The following GRID2 variants were observed in gnomAD, a reference collection of about 807,000 sequenced individuals.
The protein encoded by GRID2 is glutamate receptor ionotropic, delta-2.
A neutral mutation model predicts 114.8 loss-of-function variants in GRID2; 33 were observed. The ratio of observed to expected loss-of-function variants is 0.29; its 90% CI spans 0.22 to 0.38. The LOEUF is 0.38. GRID2 is among the 10% of genes least tolerant of loss of function. The probability of loss-of-function intolerance (pLI) is 1.00; values close to 1 mark genes in which losing one functional copy is unlikely to be tolerated. For missense variants in GRID2, 1,184 were observed against 1,257.7 expected (o/e 0.94, Z 0.89); for synonymous variants, 505 against 449.9 (o/e 1.12, Z -1.55).
At chr4:93,082,046 C>T (rs1381731807) in intron 2 of GRID2, among the ~76,000 whole-genome samples, 2 of 152,160 alleles carry the variant, frequency 1.3e-5, no homozygotes, top group Non-Finnish European at 2.9e-5. Flanking sequence ...CTTCAACCGA[C>T]ATTTTGTTTT....
intron 1 of GRID2, among the ~76,000 whole-genome samples, chr4:92,543,618 A>G (rs1426773939): frequency 2.6e-5 from 4 of 152,188 alleles, no homozygotes; most frequent in African/African-American, 7.2e-5. Flanking sequence ...AGTTTTTTCT[A>G]AAACCAACAC....
intron 1 of GRID2, among the ~76,000 whole-genome samples, chr4:92,525,674 T>G (rs1458609100): frequency 6.6e-6 from 1 of 152,074 alleles, no homozygotes; most frequent in African/African-American, 2.4e-5. Context: ...AAGAACCATT[T>G]CCTAGAGATG....
At chr4:92,579,132 G>A (rs1352103646) in intron 1 of GRID2, among the ~76,000 whole-genome samples, 5 of 152,018 alleles carry the variant, frequency 3.3e-5, no homozygotes, top group East Asian at 1.9e-4. Flanking sequence ...CACCAGGAGG[G>A]CATAAGAATT....
intron 1 of GRID2, among the ~76,000 whole-genome samples, chr4:92,461,765 T>A (rs1158470510): frequency 1.3e-5 from 2 of 152,036 alleles, no homozygotes; most frequent in Non-Finnish European, 2.9e-5. Context: ...AATCATTTCA[T>A]CTTTTTTAAT....
intron 10 of GRID2, among the ~76,000 whole-genome samples, chr4:93,428,455 A>G (rs768150982): frequency 1.3e-5 from 2 of 152,146 alleles, no homozygotes; most frequent in Non-Finnish European, 2.9e-5. Flanking sequence ...CATAGATCGT[A>G]TACTAATTGA....
chr4:92,378,244 A>G (rs906156991), intron 1 of GRID2, among the ~76,000 whole-genome samples: 4 of 152,122 alleles, frequency 2.6e-5, no homozygotes, highest in African/African-American at 9.7e-5. Flanking sequence ...AATTTTATCA[A>G]AAGATTAGAC....
chr4:92,852,117 C>T (rs1382366213), intron 2 of GRID2, among the ~76,000 whole-genome samples: 2 of 151,802 alleles, frequency 1.3e-5, no homozygotes, highest in African/African-American at 4.8e-5. Flanking sequence ...AAATTAAAGA[C>T]AATCTCGGGT....
At position 93,423,336 on chromosome 4, in the gene GRID2, C is replaced by CTTTTT. The variant is rs554663844; in HGVS notation, c.1545+393_1545+397dup. On this transcript the variant is annotated intron_variant, in intron 10 of 15. Transcript: ENST00000282020. ...GCAATTTGTACTATTTTTTTTCTTT[C>CTTTTT]TTTTTTTTTTTTTTTTTTTTTTTTT... Among the ~76,000 whole-genome samples the CTTTTT allele has an allele frequency of 5.4e-3, 398 of 73,604 alleles. 7 individuals are homozygous for CTTTTT. Among genetic ancestry groups the CTTTTT allele is most frequent in the East Asian group, 0.02 (44 of 2,182 alleles). The allele number at this position is 73,604 out of a possible 152,430, so 48.3% of individuals were successfully genotyped here. A position where few individuals can be genotyped will look rare whatever the true frequency, so the allele number is the denominator to read the frequency against.
chr4:93,244,552 T>G (rs1479003430), intron 8 of GRID2, among the ~76,000 whole-genome samples: 1 of 31,392 alleles, frequency 3.2e-5, no homozygotes, highest in Non-Finnish European at 6.7e-5. Context: ...AATTAATAGA[T>G]TATATAATCT....
intron 2 of GRID2, among the ~76,000 whole-genome samples, chr4:93,004,969 TC>T (rs1476134428): frequency 6.6e-6 from 1 of 152,066 alleles, no homozygotes; most frequent in Non-Finnish European, 1.5e-5. Context: ...AAGGCCTATC[TC>T]TTGCATCTCT....
chr4:92,438,119 T>C (rs1732827364), intron 1 of GRID2, among the ~76,000 whole-genome samples: 1 of 152,202 alleles, frequency 6.6e-6, no homozygotes, highest in African/African-American at 2.4e-5. Flanking sequence ...GTATTGTAGT[T>C]ATTTTATACG....
At chr4:92,566,366 T>C (rs1161329020) in intron 1 of GRID2, among the ~76,000 whole-genome samples, 5 of 151,748 alleles carry the variant, frequency 3.3e-5, no homozygotes, top group Non-Finnish European at 1.5e-5. Context: ...TTTAGAGAAA[T>C]AAAATAAAGT....
intron 1 of GRID2, among the ~76,000 whole-genome samples, chr4:92,580,613 AC>A (rs5860280): frequency 0.27 from 40,491 of 151,718 alleles, 5,553 homozygotes; most frequent in Middle Eastern, 0.37. Flanking sequence ...GACAGCCTAC[AC>A]TATATTATTT....
At chr4:93,066,376 G>A (rs1313237852) in intron 2 of GRID2, among the ~76,000 whole-genome samples, 1 of 151,782 alleles carries the variant, frequency 6.6e-6, no homozygotes, top group East Asian at 1.9e-4. Context: ...ACTATTCCTG[G>A]ATAAAGATTT....
intron 1 of GRID2, among the ~76,000 whole-genome samples, chr4:92,314,746 C>A (rs1725880390): frequency 6.6e-6 from 1 of 152,032 alleles, no homozygotes; most frequent in Admixed American, 6.6e-5. Context: ...GTACTATCCC[C>A]AAGATATCTC....
At chr4:92,940,679 A>T (rs1461542287) in intron 2 of GRID2, among the ~76,000 whole-genome samples, 1 of 152,110 alleles carries the variant, frequency 6.6e-6, no homozygotes, top group Admixed American at 6.6e-5. Flanking sequence ...GGTTTTGCCC[A>T]TTCAGTATGA....
intron 2 of GRID2, among the ~76,000 whole-genome samples, chr4:92,780,775 A>G (rs562775452): frequency 7.0e-4 from 107 of 151,832 alleles, no homozygotes; most frequent in Non-Finnish European, 1.3e-3. Flanking sequence ...TAGACTGTTC[A>G]TGCATGATAA....
intron 2 of GRID2, among the ~76,000 whole-genome samples, chr4:93,027,089 G>C (rs1250207270): frequency 1.3e-5 from 2 of 151,862 alleles, no homozygotes; most frequent in Admixed American, 1.3e-4. Flanking sequence ...TTTTTTGTTT[G>C]TTTTACATAT....
At chr4:93,291,063 G>C (rs571381401) in intron 8 of GRID2, among the ~76,000 whole-genome samples, 63 of 151,980 alleles carry the variant, frequency 4.1e-4, no homozygotes, top group African/African-American at 1.5e-3. Context: ...ATTTTTAGTA[G>C]ATACGGGGTT....
Sources: gnomAD v4.1 joint callset for allele counts (sites outside exome capture counted in the v4.1 genomes callset) on GRCh38, gnomAD v4.1.1 for gene constraint, MANE v1.5 for transcripts, NCBI Gene and HGNC (gene_info 2026-07-23, HGNC 2026-07-21) for gene names.